The following AGR3 variants were observed in gnomAD, a reference collection of about 807,000 sequenced individuals.
The protein encoded by AGR3 is anterior gradient protein 3.
AGR3 carries 37 observed loss-of-function variants against 24.5 expected under a neutral mutation model. The observed-to-expected ratio is 1.51, with a 90% confidence interval of 1.16 to 1.99. The LOEUF is 1.99. Among genes scored for constraint, AGR3 ranks in the 30% most tolerant of loss-of-function variants. The pLI, the probability that AGR3 is intolerant of heterozygous loss-of-function variation, is 0.00. For missense variants in AGR3, 228 were observed against 191.1 expected (o/e 1.19, Z -1.14); for synonymous variants, 75 against 61.6 (o/e 1.22, Z -1.02).
chr7:16,868,669 G>A (rs534534508), intron 3 of AGR3, among the ~76,000 whole-genome samples: 4 of 151,978 alleles, frequency 2.6e-5, no homozygotes, highest in East Asian at 3.9e-4. Flanking sequence ...AATCTCACTT[G>A]CCTATTTTTG....
downstream of AGR3, among the ~76,000 whole-genome samples, chr7:16,856,078 C>T (rs529804945): frequency 6.6e-6 from 1 of 152,270 alleles, no homozygotes; most frequent in South Asian, 2.1e-4. Flanking sequence ...TGTTTCTCTA[C>T]TGATTTCACA....
chr7:16,872,872 G>A (rs1013762651), intron 3 of AGR3, among the ~76,000 whole-genome samples: 6 of 152,000 alleles, frequency 3.9e-5, no homozygotes, highest in East Asian at 1.9e-4. Context: ...TCTAATCATC[G>A]GGGAAAGGCA....
intron 3 of AGR3, among the ~76,000 whole-genome samples, chr7:16,863,110 A>G (rs2115300873): frequency 6.6e-6 from 1 of 152,286 alleles, no homozygotes; most frequent in East Asian, 1.9e-4. Context: ...TTCATCCCAG[A>G]CCCACTCAAT....
chr7:16,881,360 C>A (rs1782113211), intron 1 of AGR3, among the ~76,000 whole-genome samples: 1 of 152,088 alleles, frequency 6.6e-6, no homozygotes, highest in Non-Finnish European at 1.5e-5. Flanking sequence ...AGCAGTACAA[C>A]TTGTACACTG....
chr7:16,864,569 T>C, intron 3 of AGR3: 11 of 1,437,318 alleles, frequency 7.7e-6, no homozygotes, highest in African/African-American at 1.4e-5. Context: ...ATATCTTGGA[T>C]AAGAGAAATC....
intron 1 of AGR3, among the ~76,000 whole-genome samples, chr7:16,880,542 C>T (rs1583850338): frequency 9.5e-6 from 1 of 104,812 alleles, no homozygotes; most frequent in Admixed American, 9.4e-5. Context: ...CTCCCCTCCC[C>T]TCCTCTCCCC....
intron 3 of AGR3, chr7:16,873,578 A>T (rs567175875): frequency 7.3e-6 from 4 of 548,004 alleles, no homozygotes; most frequent in African/African-American, 5.7e-5. Context: ...GTATATATTT[A>T]AAAAGCTAGT....
chr7:16,872,674 A>T (rs567022634), intron 3 of AGR3, among the ~76,000 whole-genome samples: 4 of 152,366 alleles, frequency 2.6e-5, no homozygotes, highest in African/African-American at 9.6e-5. Context: ...CAAACTGTAG[A>T]ATAGGAGAAA....
chr7:16,873,068 C>G (rs1781915231), intron 3 of AGR3, among the ~76,000 whole-genome samples: 1 of 152,240 alleles, frequency 6.6e-6, no homozygotes, highest in Non-Finnish European at 1.5e-5. Flanking sequence ...AAAAATATAA[C>G]TACCATATGA....
chr7:16,860,684 T>TA, intron 6 of AGR3, 101 bp from the exon 7 acceptor site: 1 of 789,524 alleles, frequency 1.3e-6, no homozygotes, highest in Non-Finnish European at 2.1e-6. Context: ...GGGTTATGTG[T>TA]ACAAGTTTGT....
rs566639921 is a variant in AGR3, at chr7:16,868,013, T to G, written c.174-5351A>C. Reference sequence around the variant, plus strand: ...TAAAAGGGTTCTCTTTTCTCCACATTCTTGCCAACACTTGCTATTATTCAT... The same window carrying G: ...TAAAAGGGTTCTCTTTTCTCCACATGCTTGCCAACACTTGCTATTATTCAT... On this transcript the variant is annotated intron_variant, in intron 3 of 7. Transcript: ENST00000310398. 9.2e-5 allele frequency among the ~76,000 whole-genome samples: 14 copies of G among 152,294 alleles called. No homozygotes were observed. In the South Asian group the frequency reaches 2.9e-3, roughly 32 times the overall value.
At chr7:16,854,854 C>A (rs58021082), downstream of AGR3, among the ~76,000 whole-genome samples, 43,301 of 151,972 alleles carry the variant, frequency 0.28, 6,440 homozygotes, top group South Asian at 0.39. Context: ...TGCACGATCA[C>A]ACTCTGCTTC....
intron 3 of AGR3, chr7:16,864,317 C>T (rs1460367600): frequency 1.1e-5 from 15 of 1,365,398 alleles, no homozygotes; most frequent in East Asian, 4.6e-5. Flanking sequence ...TCCACGTCTC[C>T]TTGGGCTGAA....
intron 3 of AGR3, among the ~76,000 whole-genome samples, chr7:16,871,431 C>A (rs999277330): frequency 1.3e-5 from 2 of 152,132 alleles, no homozygotes; most frequent in Non-Finnish European, 2.9e-5. Context: ...TCTATATGAT[C>A]TGTTAAAATT....
At chr7:16,879,355 C>G (rs533580949) in intron 1 of AGR3, among the ~76,000 whole-genome samples, 1 of 152,314 alleles carries the variant, frequency 6.6e-6, no homozygotes, top group African/African-American at 2.4e-5. Context: ...CAAACTGATT[C>G]TTAACTCAAT....
chr7:16,880,564 C>T (rs1782098803), intron 1 of AGR3, among the ~76,000 whole-genome samples: 1 of 123,962 alleles, frequency 8.1e-6, no homozygotes, highest in East Asian at 2.6e-4. Context: ...CCTTTCCCCT[C>T]CTTTCCCCTC....
intron 1 of AGR3, among the ~76,000 whole-genome samples, chr7:16,879,934 G>A (rs2389710): frequency 0.38 from 57,820 of 151,768 alleles, 11,406 homozygotes; most frequent in Middle Eastern, 0.47. Flanking sequence ...CCATTATACT[G>A]TTTTCCCCTT....
intron 7 of AGR3, 107 bp downstream of exon 7, chr7:16,860,393 C>A: frequency 2.4e-6 from 2 of 842,470 alleles, no homozygotes; most frequent in Non-Finnish European, 4.0e-6. Flanking sequence ...CCACCACTAG[C>A]CTCAGTGACT....
At chr7:16,878,728 T>C (rs1782044605) in intron 1 of AGR3, 83 bp from the exon 2 acceptor site, 2 of 990,562 alleles carry the variant, frequency 2.0e-6, no homozygotes, top group Non-Finnish European at 3.1e-6. Context: ...GTTGGACCAA[T>C]ACTGTGATGA....
Sources: allele counts gnomAD v4.1 joint callset (sites outside exome capture counted in the v4.1 genomes callset), GRCh38; gene constraint gnomAD v4.1.1; transcripts MANE v1.5; gene names NCBI Gene and HGNC (gene_info 2026-07-23, HGNC 2026-07-21).